The following MCTP2 variants were observed in gnomAD, a reference collection of about 807,000 sequenced individuals.
The protein encoded by MCTP2 is multiple C2 and transmembrane domain-containing protein 2.
Under a neutral mutation model 111.6 loss-of-function variants are expected in MCTP2, and 132 were observed. That is an observed-to-expected ratio of 1.18 (90% CI 1.03 to 1.37). The LOEUF (loss-of-function observed/expected upper bound fraction) is 1.37, where lower values mean the gene tolerates loss of function less well. Ranked by LOEUF, MCTP2 falls within the 40% of genes most tolerant of loss-of-function variation. The pLI, the probability that MCTP2 is intolerant of heterozygous loss-of-function variation, is 0.00. For missense variants in MCTP2, 1,183 were observed against 1,067.9 expected (o/e 1.11, Z -1.50); for synonymous variants, 395 against 387.7 (o/e 1.02, Z -0.22).
chr15:94,282,207 A>G (rs1444946596), intron 1 of MCTP2, among the ~76,000 whole-genome samples: 6 of 152,164 alleles, frequency 3.9e-5, no homozygotes, highest in African/African-American at 1.2e-4. Context: ...AGTCTTCTAC[A>G]TAATCCCATA....
chr15:94,470,425 A>G lies in MCTP2; in HGVS notation c.2453A>G (p.Tyr818Cys), dbSNP rs1268775837. The G allele has an allele frequency of 1.9e-6, 3 of 1,610,528 alleles. No homozygotes were observed. Among genetic ancestry groups the G allele is most frequent in the East Asian group, 4.5e-5 (2 of 44,858 alleles). ...ATTTTGTATTTCATTCCACTGCGGT[A>G]CATCATTTTAATCTGGGGTAAGTTT... is the stretch of plus-strand genomic sequence containing the variant. ...TIILYFIPLR[Y>C]IILIWGINKF... is the part of the protein sequence containing the mutation. Residue 818 changes from tyrosine to cysteine, a missense_variant, in exon 21 of 23, where the codon TAC becomes TGC. Tyr to Cys is a radical substitution (Grantham distance 194). Transcript: ENST00000357742.
intron 1 of MCTP2, among the ~76,000 whole-genome samples, chr15:94,240,782 G>A (rs1016435481): frequency 6.6e-6 from 1 of 152,130 alleles, no homozygotes; most frequent in African/African-American, 2.4e-5. Context: ...TTTGTGTAAC[G>A]AAGCTAGCAA....
In MCTP2 at chr15:94,340,826, A is replaced by G. The variant is rs766199285; in HGVS notation, c.871A>G (p.Ile291Val). The stretch of plus-strand genomic sequence containing the variant: ...TTTTGCTTGTAGAACAACTGAACAT[A>G]TTTTAAAACTGGAAGATCCAAACAG... ...DLELNRTTEH[I>V]LKLEDPNSLE... Residue 291 changes from isoleucine to valine, a missense_variant, in exon 7 of 23, where the codon ATT (isoleucine) becomes GTT (valine). Physicochemically the swap from Ile to Val is conservative, Grantham distance 29. Transcript: ENST00000357742. The G allele has an allele frequency of 6.2e-7, 1 of 1,610,046 alleles. No homozygotes were observed. The highest frequency in any genetic ancestry group is 1.7e-5 in the Admixed American group (1 of 59,772).
chr15:94,294,165 A>T (rs142905655), intron 1 of MCTP2, among the ~76,000 whole-genome samples: 2 of 152,192 alleles, frequency 1.3e-5, no homozygotes, highest in Non-Finnish European at 1.5e-5. Context: ...GAAAGACAAA[A>T]TGATAGTGAT....
intron 17 of MCTP2, among the ~76,000 whole-genome samples, chr15:94,428,563 C>A (rs991181656): frequency 6.6e-6 from 1 of 152,026 alleles, no homozygotes; most frequent in Non-Finnish European, 1.5e-5. Flanking sequence ...AATCCTCAGG[C>A]ATTTTTTCTT....
intron 17 of MCTP2, among the ~76,000 whole-genome samples, chr15:94,425,763 A>G (rs750863740): frequency 7.2e-5 from 11 of 152,142 alleles, no homozygotes; most frequent in Non-Finnish European, 1.6e-4. Flanking sequence ...TTTAAACTTA[A>G]AATGTTGAAA....
intron 17 of MCTP2, among the ~76,000 whole-genome samples, chr15:94,414,324 T>G (rs1183790981): frequency 6.6e-6 from 1 of 152,174 alleles, no homozygotes; most frequent in Non-Finnish European, 1.5e-5. Context: ...CCTTCTTATA[T>G]TCTGTTTCAA....
chr15:94,414,286 C>T (rs1179366784), intron 17 of MCTP2, among the ~76,000 whole-genome samples: 1 of 151,976 alleles, frequency 6.6e-6, no homozygotes, highest in Non-Finnish European at 1.5e-5. Flanking sequence ...ATAGAAGAGG[C>T]AGAAAAAGAA....
At chr15:94,402,830 A>C in intron 17 of MCTP2, 1 of 1,319,852 alleles carries the variant, frequency 7.6e-7, no homozygotes, top group Non-Finnish European at 9.7e-7. Context: ...ATCACTATAA[A>C]AACTAATACG....
intron 1 of MCTP2, among the ~76,000 whole-genome samples, chr15:94,297,134 C>T (rs2075310948): frequency 6.6e-6 from 1 of 152,204 alleles, no homozygotes; most frequent in Non-Finnish European, 1.5e-5. Flanking sequence ...TCAGTGTCTG[C>T]CCATCCTGTT....
intron 7 of MCTP2, chr15:94,343,964 A>G (rs759880747): frequency 2.0e-5 from 3 of 152,032 alleles, no homozygotes; most frequent in Non-Finnish European, 4.4e-5. Flanking sequence ...ATGCGTTCCT[A>G]TGTGTCAAAA....
At chr15:94,272,129 G>C (rs923879400) in intron 1 of MCTP2, among the ~76,000 whole-genome samples, 11 of 152,170 alleles carry the variant, frequency 7.2e-5, no homozygotes, top group Non-Finnish European at 1.5e-4. Flanking sequence ...CCATCTGTGT[G>C]GTTTAATCTA....
At chr15:94,473,042 T>C (rs1222810606) in intron 21 of MCTP2, among the ~76,000 whole-genome samples, 6 of 148,768 alleles carry the variant, frequency 4.0e-5, no homozygotes, top group Non-Finnish European at 9.0e-5. Context: ...AATAATATCC[T>C]AAAATGTTTT....
chr15:94,403,546 A>G (rs1339000967), intron 17 of MCTP2, among the ~76,000 whole-genome samples: 1 of 152,242 alleles, frequency 6.6e-6, no homozygotes, highest in African/African-American at 2.4e-5. Flanking sequence ...TTAGAAAAAC[A>G]GAGATCTGTT....
intron 17 of MCTP2, among the ~76,000 whole-genome samples, chr15:94,410,494 G>A (rs1414030991): frequency 6.6e-6 from 1 of 151,982 alleles, no homozygotes; most frequent in Non-Finnish European, 1.5e-5. Context: ...CAGAGACAGA[G>A]GCGGAGTTTG....
At chr15:94,460,252 C>T (rs1048326181) in intron 20 of MCTP2, among the ~76,000 whole-genome samples, 7 of 152,290 alleles carry the variant, frequency 4.6e-5, no homozygotes, top group Non-Finnish European at 8.8e-5. Flanking sequence ...AGAAACTTAT[C>T]AGCATCTCTG....
rs1376585023 is a variant in MCTP2, at chr15:94,244,218, ATG to A, written c.-66+12558_-66+12559del. ...TATATACACGTGTATACACATACAT[ATG>A]TGTATATATTTATATACACGTGTAT... On this transcript the variant is annotated intron_variant, in intron 1 of 22. Coordinates refer to ENST00000357742, the MANE Select transcript of MCTP2 (RefSeq NM_001385001.1). Among the ~76,000 whole-genome samples, 527 of 140,784 alleles carry A rather than the reference ATG, an allele frequency of 3.7e-3. 15 individuals carry two copies. Among genetic ancestry groups the A allele is most frequent in the African/African-American group, 0.013 (503 of 37,810 alleles). The allele number at this position is 140,784 out of a possible 152,430, so 92.4% of individuals were successfully genotyped here.
chr15:94,379,324 G>C (rs147746080), intron 12 of MCTP2, among the ~76,000 whole-genome samples: 104 of 152,138 alleles, frequency 6.8e-4, no homozygotes, highest in African/African-American at 2.4e-3. Context: ...TTCCAGAACT[G>C]ATCAATTAAA....
In MCTP2 at chr15:94,358,403, A is replaced by G. The variant is rs527980294; in HGVS notation, c.1171-79A>G. ...CATCATCTTGACCCTCTGCAGTTTA[A>G]TGATGAAATTAATGTGTAGCTTCTG... On this transcript the variant is annotated intron_variant, in intron 9 of 22. Transcript: ENST00000357742. The G allele has an allele frequency of 2.5e-4, 335 of 1,336,190 alleles. 5 individuals carry two copies. The South Asian group carries it at 4.5e-3, about 18-fold the overall frequency. The allele number at this position is 1,336,190 out of a possible 1,614,324, so 82.8% of individuals were successfully genotyped here.
Sources: allele counts gnomAD v4.1 joint callset (sites outside exome capture counted in the v4.1 genomes callset), GRCh38; gene constraint gnomAD v4.1.1; transcripts MANE v1.5; gene names NCBI Gene and HGNC (gene_info 2026-07-23, HGNC 2026-07-21).